ZNF385B: variants seen among roughly 807,000 people sequenced by gnomAD.
ZNF385B encodes zinc finger protein 533.
ZNF385B carries 23 observed loss-of-function variants against 39.2 expected under a neutral mutation model. That is an observed-to-expected ratio of 0.59 (90% CI 0.42 to 0.83). The LOEUF is 0.83. ZNF385B is among the 40% of genes least tolerant of loss of function. The pLI, the probability that ZNF385B is intolerant of heterozygous loss-of-function variation, is 0.00. For missense variants in ZNF385B, 552 were observed against 598.9 expected (o/e 0.92, Z 0.82); for synonymous variants, 205 against 222.6 (o/e 0.92, Z 0.70).
intron 3 of ZNF385B, chr2:179,660,076 C>T (rs1317354826): frequency 6.6e-6 from 1 of 152,482 alleles, no homozygotes; most frequent in Non-Finnish European, 1.5e-5. Flanking sequence ...ATGCTACTTA[C>T]CAAGAAGCAT....
chr2:179,704,990 TCTCATACCTATACTG>T (rs766134359), intron 3 of ZNF385B, among the ~76,000 whole-genome samples: 6 of 152,314 alleles, frequency 3.9e-5, no homozygotes, highest in Non-Finnish European at 8.8e-5. Context: ...TTTCCTGTAT[TCTCATACCTATACTG>T]CTCTGCCCCC....
chr2:179,570,434 T>C (rs576440585), intron 3 of ZNF385B, among the ~76,000 whole-genome samples: 2 of 152,314 alleles, frequency 1.3e-5, no homozygotes, highest in East Asian at 3.9e-4. Context: ...AGACCCCAGT[T>C]CAAATTTTGC....
At chr2:179,454,967 G>T (rs527544764) in intron 6 of ZNF385B, among the ~76,000 whole-genome samples, 1 of 152,206 alleles carries the variant, frequency 6.6e-6, no homozygotes, top group African/African-American at 2.4e-5. Flanking sequence ...AGTGTAGCCT[G>T]AGCATATAGT....
chr2:179,776,716 A>G (rs1295503755), intron 1 of ZNF385B, among the ~76,000 whole-genome samples: 1 of 152,148 alleles, frequency 6.6e-6, no homozygotes, highest in East Asian at 1.9e-4. Flanking sequence ...GTCCAAAGCT[A>G]CACAGCTGGT....
At position 179,763,715 on chromosome 2, in the gene ZNF385B, T is replaced by A. The variant is rs532833682; in HGVS notation, c.298+5788A>T. ...TTGTGCTTTAATTTTCATCTAGTTT[T>A]TCCTTTGAGACTTCTTCTTTGATTC... On this transcript the variant is annotated intron_variant, in intron 3 of 9. Coordinates refer to ENST00000410066, the MANE Select transcript of ZNF385B (RefSeq NM_152520.6). Among the ~76,000 whole-genome samples the A allele has an allele frequency of 6.6e-5, 10 of 152,346 alleles. 1 individual carries two copies. The South Asian group carries it at 2.1e-3, about 32-fold the overall frequency.
intron 3 of ZNF385B, among the ~76,000 whole-genome samples, chr2:179,689,181 G>A (rs1698155495): frequency 6.6e-6 from 1 of 152,214 alleles, no homozygotes. Flanking sequence ...TGTGGCTATT[G>A]GAGGGAAACA....
At chr2:179,624,309 G>A (rs921598445) in intron 3 of ZNF385B, among the ~76,000 whole-genome samples, 24 of 152,010 alleles carry the variant, frequency 1.6e-4, no homozygotes, top group African/African-American at 4.8e-4. Context: ...ACCATCACCC[G>A]CATTTTGTGG....
chr2:179,590,713 C>A (rs957314508), intron 3 of ZNF385B, among the ~76,000 whole-genome samples: 5 of 152,016 alleles, frequency 3.3e-5, no homozygotes, highest in African/African-American at 1.2e-4. Flanking sequence ...TGGTTTCCCC[C>A]ATGCTGTTCT....
chr2:179,469,814 A>T (rs1414078175), intron 6 of ZNF385B, among the ~76,000 whole-genome samples: 1 of 152,184 alleles, frequency 6.6e-6, no homozygotes, highest in Non-Finnish European at 1.5e-5. Flanking sequence ...TCTCTCTTTG[A>T]TTAAAAATGG....
chr2:179,490,117 A>C (rs964498810), intron 5 of ZNF385B, among the ~76,000 whole-genome samples: 2 of 152,190 alleles, frequency 1.3e-5, no homozygotes, highest in African/African-American at 4.8e-5. Context: ...GATGTAAATA[A>C]ACCCATCAAC....
At chr2:179,679,076 T>C (rs1697253926) in intron 3 of ZNF385B, among the ~76,000 whole-genome samples, 1 of 152,192 alleles carries the variant, frequency 6.6e-6, no homozygotes, top group African/African-American at 2.4e-5. Flanking sequence ...GTCAGTAGTC[T>C]AATATATAGA....
At chr2:179,672,573 AC>A (rs1208820005) in intron 3 of ZNF385B, among the ~76,000 whole-genome samples, 3 of 151,892 alleles carry the variant, frequency 2.0e-5, no homozygotes, top group African/African-American at 4.8e-5. Flanking sequence ...TGAAATCCTA[AC>A]CCCCAAGGCG....
rs139684247 is a variant in ZNF385B at position 179,697,341 on chromosome 2, T to C, written c.298+72162A>G. ...TGTCTCCCCACTGCTGTTCTCATGATAGTGAGTGAACTCTCATGAGATCTG... is the reference window on the plus strand; with the variant it reads ...TGTCTCCCCACTGCTGTTCTCATGACAGTGAGTGAACTCTCATGAGATCTG... On this transcript the variant is annotated intron_variant, in intron 3 of 9. Coordinates refer to ENST00000410066, the MANE Select transcript of ZNF385B (RefSeq NM_152520.6). Among the ~76,000 whole-genome samples the C allele has an allele frequency of 1.3e-3, 196 of 152,284 alleles. 2 individuals are homozygous for C. Among genetic ancestry groups the C allele is most frequent in the Non-Finnish European group, 1.9e-3 (129 of 68,012 alleles).
At chr2:179,765,185 T>C (rs1022698981) in intron 3 of ZNF385B, among the ~76,000 whole-genome samples, 1 of 152,230 alleles carries the variant, frequency 6.6e-6, no homozygotes, top group Non-Finnish European at 1.5e-5. Context: ...ATATTTCTAT[T>C]CTTTCCATTG....
chr2:179,569,022 C>T (rs1335376269), intron 3 of ZNF385B, among the ~76,000 whole-genome samples: 1 of 152,152 alleles, frequency 6.6e-6, no homozygotes, highest in East Asian at 1.9e-4. Flanking sequence ...CAACACTGTT[C>T]TATACACTTA....
At chr2:179,545,337 A>C (rs1221927936) in intron 3 of ZNF385B, among the ~76,000 whole-genome samples, 1 of 152,216 alleles carries the variant, frequency 6.6e-6, no homozygotes, top group Non-Finnish European at 1.5e-5. Context: ...CCTTGAAGCC[A>C]GACACTCTTT....
chr2:179,609,290 AT>A (rs936540813), intron 3 of ZNF385B, among the ~76,000 whole-genome samples: 1 of 151,930 alleles, frequency 6.6e-6, no homozygotes, highest in Non-Finnish European at 1.5e-5. Context: ...AATTGTGTTA[AT>A]TTTTAGCTCC....
intron 3 of ZNF385B, among the ~76,000 whole-genome samples, chr2:179,754,060 G>A (rs539787697): frequency 5.3e-5 from 8 of 152,222 alleles, no homozygotes; most frequent in Non-Finnish European, 1.2e-4. Context: ...TATGATATTG[G>A]CTGTGGGTTT....
intron 3 of ZNF385B, among the ~76,000 whole-genome samples, chr2:179,644,356 T>C (rs1380782526): frequency 1.3e-5 from 2 of 152,098 alleles, no homozygotes; most frequent in Admixed American, 6.6e-5. Flanking sequence ...TCCTACCAGT[T>C]AGGTCCTAAA....
Sources: gnomAD v4.1 joint callset for allele counts (sites outside exome capture counted in the v4.1 genomes callset) on GRCh38, gnomAD v4.1.1 for gene constraint, MANE v1.5 for transcripts, NCBI Gene and HGNC (gene_info 2026-07-23, HGNC 2026-07-21) for gene names.